EFCAB6: variants seen among roughly 807,000 people sequenced by gnomAD.
EFCAB6 encodes the protein EF-hand calcium binding domain 6.
EFCAB6 carries 156 observed loss-of-function variants against 169.8 expected under a neutral mutation model. That is an observed-to-expected ratio of 0.92 (90% CI 0.81 to 1.05). EFCAB6 has a LOEUF of 1.05. Among genes scored for constraint, EFCAB6 ranks in the 50% least tolerant of loss-of-function variants. The probability of loss-of-function intolerance (pLI) is 0.00; values close to 1 mark genes in which losing one functional copy is unlikely to be tolerated. For missense variants in EFCAB6, 1,800 were observed against 1,829.1 expected (o/e 0.98, Z 0.29); for synonymous variants, 698 against 676.4 (o/e 1.03, Z -0.50).
chr22:43,790,563 C>T (rs541046883), intron 2 of EFCAB6, among the ~76,000 whole-genome samples: 22 of 152,150 alleles, frequency 1.4e-4, no homozygotes, highest in Middle Eastern at 3.2e-3. Context: ...AAGAGGGGAA[C>T]CATGCAGTTA....
At chr22:43,794,245 G>A (rs770786931) in intron 2 of EFCAB6, among the ~76,000 whole-genome samples, 23 of 152,180 alleles carry the variant, frequency 1.5e-4, no homozygotes, top group Non-Finnish European at 3.1e-4. Flanking sequence ...TTACGTTTAG[G>A]TCCTTCAACT....
chr22:43,608,368 A>T, intron 22 of EFCAB6, 114 bp downstream of exon 22: 1 of 854,974 alleles, frequency 1.2e-6, no homozygotes, highest in Non-Finnish European at 1.9e-6. Context: ...CAACCAAGAG[A>T]AAATACTCCC....
intron 22 of EFCAB6, among the ~76,000 whole-genome samples, chr22:43,605,702 G>T (rs1315145298): frequency 6.6e-6 from 1 of 152,160 alleles, no homozygotes; most frequent in Non-Finnish European, 1.5e-5. Flanking sequence ...GGTGGTGACA[G>T]CTGCACTGCA....
At chr22:43,587,924 C>G (rs1234499752) in intron 24 of EFCAB6, among the ~76,000 whole-genome samples, 4 of 152,056 alleles carry the variant, frequency 2.6e-5, no homozygotes. Context: ...AATCAACATA[C>G]CAAATCTACA....
At chr22:43,616,583 GA>G (rs1411071582) in intron 20 of EFCAB6, among the ~76,000 whole-genome samples, 2 of 141,970 alleles carry the variant, frequency 1.4e-5, no homozygotes, top group African/African-American at 5.3e-5. Context: ...AGCATTGCTT[GA>G]ACCTGGGAGG....
intron 8 of EFCAB6, among the ~76,000 whole-genome samples, chr22:43,729,836 C>G (rs1398100642): frequency 6.6e-6 from 1 of 152,052 alleles, no homozygotes; most frequent in African/African-American, 2.4e-5. Context: ...AATCAAATTA[C>G]AGGTATAGAT....
intron 23 of EFCAB6, among the ~76,000 whole-genome samples, chr22:43,590,545 T>C (rs1048687296): frequency 6.6e-6 from 1 of 152,182 alleles, no homozygotes; most frequent in Non-Finnish European, 1.5e-5. Flanking sequence ...GTTTTACATA[T>C]AGACATGTGA....
chr22:43,697,976 G>A (rs1010439300), intron 10 of EFCAB6, among the ~76,000 whole-genome samples: 3 of 152,200 alleles, frequency 2.0e-5, no homozygotes, highest in Non-Finnish European at 1.5e-5. Context: ...GGAATTCATG[G>A]TCTTTTGCCC....
chr22:43,635,810 G>C (rs372459744), intron 17 of EFCAB6, among the ~76,000 whole-genome samples: 1 of 152,064 alleles, frequency 6.6e-6, no homozygotes, highest in Non-Finnish European at 1.5e-5. Context: ...GGGTATGTTG[G>C]GGGCAGAGGG....
intron 19 of EFCAB6, among the ~76,000 whole-genome samples, chr22:43,630,030 G>T (rs2054819529): frequency 6.6e-6 from 1 of 152,214 alleles, no homozygotes; most frequent in African/African-American, 2.4e-5. Flanking sequence ...CAGGGACAGT[G>T]GCTCATGCCT....
At chr22:43,598,281 T>G (rs931192461) in intron 23 of EFCAB6, among the ~76,000 whole-genome samples, 3 of 114,316 alleles carry the variant, frequency 2.6e-5, no homozygotes, top group Admixed American at 1.4e-4. Context: ...CACTCCAGCC[T>G]GGGTGATGAA....
intron 7 of EFCAB6, 98 bp downstream of exon 7, chr22:43,735,759 G>T: frequency 7.1e-7 from 1 of 1,402,812 alleles, no homozygotes; most frequent in Non-Finnish European, 9.7e-7. Flanking sequence ...GCAGGGGGAG[G>T]TGAGAGATGG....
chr22:43,637,027 C>A (rs1414135190), intron 17 of EFCAB6, among the ~76,000 whole-genome samples: 2 of 152,156 alleles, frequency 1.3e-5, no homozygotes, highest in Non-Finnish European at 2.9e-5. Flanking sequence ...GAGCGGCAAG[C>A]AGCTCTGCCA....
intron 10 of EFCAB6, among the ~76,000 whole-genome samples, chr22:43,706,289 G>C (rs1274044876): frequency 6.6e-6 from 1 of 152,180 alleles, no homozygotes; most frequent in Non-Finnish European, 1.5e-5. Flanking sequence ...TTCTTCCTGT[G>C]GCTGCTTCTC....
chr22:43,616,325 G>A (rs746315934), intron 20 of EFCAB6, among the ~76,000 whole-genome samples: 1 of 152,198 alleles, frequency 6.6e-6, no homozygotes, highest in African/African-American at 2.4e-5. Flanking sequence ...AACATTGGGG[G>A]AACTTCTCAG....
rs528721399 is a variant in EFCAB6 at position 43,740,290 on chromosome 22, C to G, written c.508-4297G>C. On this transcript the variant is annotated intron_variant, in intron 6 of 31. Coordinates refer to ENST00000262726, the MANE Select transcript of EFCAB6 (RefSeq NM_022785.4). The stretch of plus-strand genomic sequence containing the variant: ...CTTTTGTCTTTATGGTCCGTCTCCC[C>G]CTCTGAGAGCAAGGTTTGTTCATGG... Among the ~76,000 whole-genome samples the G allele has an allele frequency of 7.9e-5, 12 of 152,250 alleles. No homozygotes were observed. The South Asian group carries it at 2.1e-3, about 26-fold the overall frequency.
intron 7 of EFCAB6, among the ~76,000 whole-genome samples, chr22:43,734,447 A>T (rs1031190753): frequency 6.6e-6 from 1 of 152,170 alleles, no homozygotes; most frequent in African/African-American, 2.4e-5. Context: ...AAATTTGTGG[A>T]GTTATTATTC....
rs577305816 is a variant in EFCAB6 at position 43,632,303 on chromosome 22, T to C, written c.2099-65A>G. The C allele has an allele frequency of 2.0e-3, 2,345 of 1,157,876 alleles. 2 individuals carry two copies. Among genetic ancestry groups the C allele is most frequent in the Non-Finnish European group, 2.5e-3 (2,194 of 879,066 alleles). The allele number at this position is 1,157,876 out of a possible 1,614,324, so 71.7% of individuals were successfully genotyped here. ...ATCAGCTTCATTCCTTCTTTTTTTTTTTTTTTTTTTTTTGAGACGGAGTCT... is the reference window on the plus strand; with the variant it reads ...ATCAGCTTCATTCCTTCTTTTTTTTCTTTTTTTTTTTTTGAGACGGAGTCT... On this transcript the variant is annotated intron_variant, in intron 18 of 31. Transcript: ENST00000262726.
chr22:43,710,106 T>C (rs1177518979), intron 10 of EFCAB6, among the ~76,000 whole-genome samples: 1 of 152,216 alleles, frequency 6.6e-6, no homozygotes, highest in African/African-American at 2.4e-5. Flanking sequence ...AAAAAGGTTC[T>C]CTGTCTTACC....
Sources: allele counts gnomAD v4.1 joint callset (sites outside exome capture counted in the v4.1 genomes callset), GRCh38; gene constraint gnomAD v4.1.1; transcripts MANE v1.5; gene names NCBI Gene and HGNC (gene_info 2026-07-23, HGNC 2026-07-21).